Variants in TCF15 observed in about 807,000 individuals in gnomAD.
The protein encoded by TCF15 is transcription factor 15.
In TCF15, 7 loss-of-function variants were observed where a neutral mutation model predicts 11.1. The ratio of observed to expected loss-of-function variants is 0.63; its 90% CI spans 0.36 to 1.19. TCF15 has a LOEUF of 1.19. TCF15 is among the 50% of genes most tolerant of loss of function. The pLI is 0.02. For missense variants in TCF15, 288 were observed against 289.4 expected, an observed-to-expected ratio of 1.00 and a Z score of 0.03; for synonymous variants, 144 against 138.9, an observed-to-expected ratio of 1.04 and a Z score of -0.26.
In TCF15 at chr20:609,058, A is replaced by C. The variant is rs2020000212; in HGVS notation, c.525+655T>G. The stretch of plus-strand genomic sequence containing the variant: ...CACCACGTCCTTTTGGGGGCTGGGG[A>C]CTCTCAGAGGGCCCCTTCTTCACTC... On this transcript the variant is annotated intron_variant, in intron 1 of 1. Transcript: ENST00000246080. The surrounding 1 kb of genome is among the most constrained non-coding windows in gnomAD (Gnocchi z 4.7). 6.7e-6 allele frequency among the ~76,000 whole-genome samples: 1 copy of C among 150,268 alleles called. No homozygotes were observed. Among genetic ancestry groups the C allele is most frequent in the East Asian group, 2.0e-4 (1 of 5,088 alleles).
chr20:610,258 C>G lies in TCF15; in HGVS notation c.-21G>C, dbSNP rs535255128. ...GCCATGGGCGCCGGCCGCGTCCCTC[C>G]GTGCGCCGCGTCCCAGCGTCGGCCG... On this transcript the variant is annotated 5_prime_UTR_variant, in exon 1 of 2. Transcript: ENST00000246080. The G allele has an allele frequency of 9.1e-6, 9 of 989,498 alleles. No individual in the cohort carries two copies. Among genetic ancestry groups the G allele is most frequent in the Non-Finnish European group, 1.1e-5 (9 of 833,774 alleles). 61.3% of individuals were successfully genotyped at this position (989,498 alleles called of 1,614,324 possible).
rs374901419 is a variant in TCF15 at position 604,658 on chromosome 20, C to A, written c.533G>T (p.Arg178Leu). ...CLSNQRKGGG[R>L]RDLGGSCLKV... ...CAAGCAGCTGCCCCCCAGGTCACGA[C>A]GGCCACCCTGCAGAGGGGGAGAAAG... is the stretch of plus-strand genomic sequence containing the variant. Residue 178 changes from arginine to leucine, a missense_variant, in exon 2 of 2, where the codon CGT becomes CTT. Coordinates refer to ENST00000246080, the MANE Select transcript of TCF15 (RefSeq NM_004609.4). This position sits in a 1 kb window ranked among gnomAD's most constrained non-coding sequence, Gnocchi z 4.2. 1 of 1,552,020 alleles carries A rather than the reference C, an allele frequency of 6.4e-7. No individual in the cohort carries two copies. The highest frequency in any genetic ancestry group is 1.2e-5 in the South Asian group (1 of 84,022).
At chr20:607,801 C>G (rs992516837) in intron 1 of TCF15, among the ~76,000 whole-genome samples, 3 of 152,230 alleles carry the variant, frequency 2.0e-5, no homozygotes, top group African/African-American at 7.2e-5. Context: ...ATCCTGGTTC[C>G]ATCACTGACT....
intron 1 of TCF15, among the ~76,000 whole-genome samples, chr20:608,660 G>A (rs1445693132): frequency 1.3e-5 from 2 of 152,218 alleles, no homozygotes; most frequent in Non-Finnish European, 2.9e-5. Context: ...TGGAGCAAGG[G>A]ACCAACGGCA....
At chr20:608,610 T>C (rs1013794763) in intron 1 of TCF15, among the ~76,000 whole-genome samples, 1 of 152,040 alleles carries the variant, frequency 6.6e-6, no homozygotes, top group African/African-American at 2.4e-5. Context: ...AGACAGAGGG[T>C]GGTCTCAGGC....
chr20:607,433 C>T (rs564455708), intron 1 of TCF15, among the ~76,000 whole-genome samples: 2 of 152,316 alleles, frequency 1.3e-5, no homozygotes, highest in African/African-American at 4.8e-5. Flanking sequence ...GGTCTTAAAG[C>T]TCTTCTGGCC....
rs973143347 is a variant in TCF15 at position 610,283 on chromosome 20, G to A, written c.-46C>T. 1.7e-4 allele frequency: 171 copies of A among 987,636 alleles called. No individual in the cohort carries two copies. Among genetic ancestry groups the A allele is most frequent in the Non-Finnish European group, 2.0e-4 (167 of 832,116 alleles). 61.2% of individuals were successfully genotyped at this position (987,636 alleles called of 1,614,324 possible). A position where few individuals can be genotyped will look rare whatever the true frequency, so the allele number is the denominator to read the frequency against. On this transcript the variant is annotated 5_prime_UTR_variant, in exon 1 of 2. Transcript: ENST00000246080. Reference sequence around the variant, plus strand: ...CGTGCGCCGCGTCCCAGCGTCGGCCGCGCCCCGCCGTGCGCTCCCGCGCGC... The same window carrying A: ...CGTGCGCCGCGTCCCAGCGTCGGCCACGCCCCGCCGTGCGCTCCCGCGCGC...
At position 609,602 on chromosome 20, in the gene TCF15, C is replaced by T. The variant is rs1600450606; in HGVS notation, c.525+111G>A. The T allele has an allele frequency of 8.2e-7, 1 of 1,226,216 alleles. No individual in the cohort carries two copies. The highest frequency in any genetic ancestry group is 1.0e-6 in the Non-Finnish European group (1 of 968,656). 76.0% of individuals were successfully genotyped at this position (1,226,216 alleles called of 1,614,324 possible). ...GCCGCACCCAGCACGAATTCCACGT[C>T]GCTTCCCCCTGGCCTCGTTGGGGAC... On this transcript the variant is annotated intron_variant, in intron 1 of 1. Transcript: ENST00000246080. This position sits in a 1 kb window ranked among gnomAD's most constrained non-coding sequence, Gnocchi z 4.7.
chr20:608,800 C>G (rs368890623), intron 1 of TCF15, among the ~76,000 whole-genome samples: 33 of 152,304 alleles, frequency 2.2e-4, no homozygotes, highest in East Asian at 1.7e-3. Context: ...TGCTGGAATA[C>G]AAGTTGTTAG....
chr20:606,081 G>A lies in TCF15; in HGVS notation c.526-1416C>T, dbSNP rs1443550995. On this transcript the variant is annotated intron_variant, in intron 1 of 1. Coordinates refer to ENST00000246080, the MANE Select transcript of TCF15 (RefSeq NM_004609.4). Reference sequence around the variant, plus strand: ...CCTCCACCCCCAGGTCCAGGTTGGGGCAGATCCATCCAGATGCGAGCCCAG... The same window carrying A: ...CCTCCACCCCCAGGTCCAGGTTGGGACAGATCCATCCAGATGCGAGCCCAG... Among the ~76,000 whole-genome samples, 4 of 152,134 alleles carry A rather than the reference G, an allele frequency of 2.6e-5. No homozygotes were observed. The East Asian group carries it at 7.7e-4, about 29-fold the overall frequency.
intron 1 of TCF15, among the ~76,000 whole-genome samples, chr20:607,696 C>T (rs557727321): frequency 6.6e-6 from 1 of 152,332 alleles, no homozygotes; most frequent in East Asian, 1.9e-4. Flanking sequence ...AGAGAAGTCC[C>T]CCAGCCTGCT....
chr20:605,346 C>T (rs1273585055), intron 1 of TCF15, among the ~76,000 whole-genome samples: 1 of 152,300 alleles, frequency 6.6e-6, no homozygotes, highest in East Asian at 1.9e-4. Context: ...AAAGGGGACT[C>T]GGTTTCTGGC....
intron 1 of TCF15, among the ~76,000 whole-genome samples, chr20:608,534 G>C (rs2122241869): frequency 6.6e-6 from 1 of 152,324 alleles, no homozygotes; most frequent in East Asian, 1.9e-4. Context: ...AGGCTAAGAA[G>C]ACCGACGATT....
Position 608,536 on chromosome 20 carries a change from CCGA to C in TCF15, c.525+1174_525+1176del, listed in dbSNP as rs538252001. Among the ~76,000 whole-genome samples the C allele has an allele frequency of 2.7e-3, 411 of 152,310 alleles. 2 individuals are homozygous for C. The highest frequency in any genetic ancestry group is 9.5e-3 in the African/African-American group (393 of 41,574). On this transcript the variant is annotated intron_variant, in intron 1 of 1. Coordinates refer to ENST00000246080, the MANE Select transcript of TCF15 (RefSeq NM_004609.4). ...GGGCACAAGCCTGAGGCTAAGAAGA[CCGA>C]CGATTCAGGGCAACTGAGGCAGCCA...
chr20:607,113 A>T (rs115880698), intron 1 of TCF15, among the ~76,000 whole-genome samples: 1 of 152,210 alleles, frequency 6.6e-6, no homozygotes, highest in Non-Finnish European at 1.5e-5. Context: ...ATAAATGTTC[A>T]TAAGTATTAT....
At chr20:606,354 G>A (rs889007184) in intron 1 of TCF15, among the ~76,000 whole-genome samples, 7 of 152,164 alleles carry the variant, frequency 4.6e-5, no homozygotes, top group African/African-American at 1.7e-4. Context: ...CCCACCCCAA[G>A]TCTGGAGGTC....
intron 1 of TCF15, among the ~76,000 whole-genome samples, chr20:608,853 C>T (rs2122242427): frequency 6.6e-6 from 1 of 152,316 alleles, no homozygotes; most frequent in Middle Eastern, 3.4e-3. Context: ...CAGAAAGGCA[C>T]ACGGTCGGGG....
At position 609,832 on chromosome 20, in the gene TCF15, C is replaced by T. The variant is rs753086208; in HGVS notation, c.406G>A (p.Asp136Asn). 3 of 1,520,064 alleles carry T rather than the reference C, an allele frequency of 2.0e-6. No individual in the cohort carries two copies. The highest frequency in any genetic ancestry group is 1.2e-5 in the South Asian group (1 of 81,006). The allele number at this position is 1,520,064 out of a possible 1,614,324, so 94.2% of individuals were successfully genotyped here. Residue 136 changes from aspartate (D) to asparagine (N), a missense_variant, in exon 1 of 2, where the codon GAC becomes AAC. Coordinates refer to ENST00000246080, the MANE Select transcript of TCF15 (RefSeq NM_004609.4). The surrounding 1 kb of genome is among the most constrained non-coding windows in gnomAD (Gnocchi z 4.7). ...NVLLLGDSAD[D>N]GQPCFRAAGS... ...GCGGCACGGAAGCACGGCTGCCCGT[C>T]GTCGGCCGAGTCGCCCAGCAGCAGC...
chr20:605,686 C>T (rs966319628), intron 1 of TCF15, among the ~76,000 whole-genome samples: 3 of 152,172 alleles, frequency 2.0e-5, no homozygotes, highest in Admixed American at 6.5e-5. Context: ...GGGCTAATGG[C>T]GGCAGTCCCT....
Sources: gnomAD v4.1 joint callset for allele counts (sites outside exome capture counted in the v4.1 genomes callset) on GRCh38, gnomAD v4.1.1 for gene constraint, Gnocchi (gnomAD v3.1) non-coding constraint, MANE v1.5 for transcripts, NCBI Gene and HGNC (gene_info 2026-07-23, HGNC 2026-07-21) for gene names.